The following ASPH variants were observed in gnomAD, a reference collection of about 807,000 sequenced individuals.
The protein encoded by ASPH is aspartate beta-hydroxylase.
In ASPH, 100 loss-of-function variants were observed where a neutral mutation model predicts 118.4. The observed-to-expected ratio is 0.84, with a 90% CI of 0.72 to 1.00. ASPH has a LOEUF of 1.00. Ranked by LOEUF, ASPH falls within the 50% of genes least tolerant of loss-of-function variation. ASPH has a pLI of 0.00. For missense variants in ASPH, 920 were observed against 919.5 expected (o/e 1.00, Z -0.01); for synonymous variants, 315 against 325.6 (o/e 0.97, Z 0.35).
chr8:61,700,023 A>G (rs564362356), intron 1 of ASPH, among the ~76,000 whole-genome samples: 1 of 152,338 alleles, frequency 6.6e-6, no homozygotes, highest in African/African-American at 2.4e-5. Flanking sequence ...CAGCGTTTGT[A>G]CCATTTTGCC....
At chr8:61,629,649 G>C (rs1406518785) in intron 13 of ASPH, among the ~76,000 whole-genome samples, 1 of 152,150 alleles carries the variant, frequency 6.6e-6, no homozygotes, top group African/African-American at 2.4e-5. Flanking sequence ...GCAAACTACT[G>C]GACAACTTAC....
At chr8:61,571,791 T>C (rs1015762396) in intron 16 of ASPH, among the ~76,000 whole-genome samples, 3 of 152,200 alleles carry the variant, frequency 2.0e-5, no homozygotes, top group Non-Finnish European at 2.9e-5. Context: ...GCATAAACCA[T>C]TTCTCTCTCT....
chr8:61,665,736 C>T, intron 3 of ASPH: 1 of 928,682 alleles, frequency 1.1e-6, no homozygotes, highest in Non-Finnish European at 1.5e-6. Context: ...CAGAAAGTTA[C>T]TTTAATTCAC....
At chr8:61,540,242 T>C (rs1351489860) in intron 21 of ASPH, among the ~76,000 whole-genome samples, 1 of 152,214 alleles carries the variant, frequency 6.6e-6, no homozygotes, top group South Asian at 2.1e-4. Context: ...AATCTCATGT[T>C]AATTGTAATC....
At chr8:61,554,081 C>T (rs1020210725) in intron 19 of ASPH, among the ~76,000 whole-genome samples, 2 of 152,228 alleles carry the variant, frequency 1.3e-5, no homozygotes, top group East Asian at 3.8e-4. Flanking sequence ...TTCCCTATCT[C>T]TGAAGCAGGC....
intron 1 of ASPH, among the ~76,000 whole-genome samples, chr8:61,700,107 G>A (rs1834879702): frequency 6.6e-6 from 1 of 152,226 alleles, no homozygotes; most frequent in Non-Finnish European, 1.5e-5. Flanking sequence ...TATTCTGCCA[G>A]GAGTGGAGGC....
chr8:61,639,510 T>C (rs1804067693), intron 10 of ASPH, among the ~76,000 whole-genome samples: 1 of 152,172 alleles, frequency 6.6e-6, no homozygotes, highest in Non-Finnish European at 1.5e-5. Context: ...TCCCCTTTGG[T>C]TTTTCGTTTC....
Position 61,638,997 on chromosome 8 carries a change from G to A in ASPH, c.791-634C>T, listed in dbSNP as rs117760798. On this transcript the variant is annotated intron_variant, in intron 10 of 24. Transcript: ENST00000379454. ...CTTCTTTTTCCCAGCATGGTTGTAA[G>A]TTTATTCTTTCTTATTCATTTAATA... Among the ~76,000 whole-genome samples, 826 of 152,266 alleles carry A rather than the reference G, an allele frequency of 5.4e-3. 22 individuals carry two copies. The East Asian group carries it at 0.086, about 16-fold the overall frequency.
At chr8:61,517,975 A>T in intron 23 of ASPH, 57 bp downstream of exon 23, 1 of 1,507,800 alleles carries the variant, frequency 6.6e-7, no homozygotes, top group East Asian at 2.3e-5. Flanking sequence ...GTAAAGGTCA[A>T]CACGCCCTTA....
At chr8:61,526,410 C>T (rs1018643469) in intron 21 of ASPH, among the ~76,000 whole-genome samples, 2 of 152,138 alleles carry the variant, frequency 1.3e-5, no homozygotes, top group Non-Finnish European at 2.9e-5. Flanking sequence ...GAAACCACAA[C>T]CTAAGAAGAG....
At chr8:61,572,889 G>C (rs61565764) in intron 16 of ASPH, among the ~76,000 whole-genome samples, 2,420 of 152,232 alleles carry the variant, frequency 0.016, 65 homozygotes, top group African/African-American at 0.056. Context: ...AAGAAATAAA[G>C]CGTATTCAAA....
chr8:61,545,631 G>A (rs1482087252), intron 21 of ASPH, among the ~76,000 whole-genome samples: 4 of 152,120 alleles, frequency 2.6e-5, no homozygotes, highest in African/African-American at 7.2e-5. Context: ...AAAATGAATG[G>A]CAAGAAAAAG....
At chr8:61,539,443 G>A (rs577912990) in intron 21 of ASPH, among the ~76,000 whole-genome samples, 1 of 151,978 alleles carries the variant, frequency 6.6e-6, no homozygotes, top group Admixed American at 6.6e-5. Flanking sequence ...AGGAAGGAAA[G>A]CACACCTGGA....
At chr8:61,627,821 A>G (rs184287368) in intron 13 of ASPH, among the ~76,000 whole-genome samples, 1 of 152,314 alleles carries the variant, frequency 6.6e-6, no homozygotes, top group Admixed American at 6.5e-5. Context: ...CTCCAAAACC[A>G]GGACCGTCAT....
intron 21 of ASPH, among the ~76,000 whole-genome samples, chr8:61,528,949 C>G (rs769807407): frequency 6.6e-6 from 1 of 152,204 alleles, no homozygotes; most frequent in Non-Finnish European, 1.5e-5. Context: ...GTACTACTAA[C>G]TCAGTACTAT....
chr8:61,642,855 A>G (rs1564155236), intron 10 of ASPH, 33 bp downstream of exon 10: 19 of 1,501,498 alleles, frequency 1.3e-5, no homozygotes, highest in Non-Finnish European at 1.5e-5. Flanking sequence ...CAAAAAAAAA[A>G]AGAAAAAAAA....
intron 22 of ASPH, among the ~76,000 whole-genome samples, chr8:61,523,517 G>A (rs1213396129): frequency 5.3e-5 from 8 of 151,626 alleles, no homozygotes; most frequent in African/African-American, 1.5e-4. Context: ...GGGTTTCACC[G>A]TGTTGGTCAA....
chr8:61,709,207 A>G (rs1454925029), intron 1 of ASPH, among the ~76,000 whole-genome samples: 1 of 152,166 alleles, frequency 6.6e-6, no homozygotes, highest in Non-Finnish European at 1.5e-5. Flanking sequence ...ATCCCTGAAA[A>G]ACAAAGATCA....
intron 9 of ASPH, 75 bp from the exon 10 acceptor site, chr8:61,642,995 A>C: frequency 4.7e-6 from 6 of 1,289,326 alleles, no homozygotes; most frequent in Non-Finnish European, 5.3e-6. Context: ...GTTAAAACAA[A>C]ATACTACTTA....
Sources: gnomAD v4.1 joint callset for allele counts (sites outside exome capture counted in the v4.1 genomes callset) on GRCh38, gnomAD v4.1.1 for gene constraint, MANE v1.5 for transcripts, NCBI Gene and HGNC (gene_info 2026-07-23, HGNC 2026-07-21) for gene names.